The following PRKN variants were observed in gnomAD, a reference collection of about 807,000 sequenced individuals.
PRKN encodes E3 ubiquitin-protein ligase parkin.
PRKN carries 56 observed loss-of-function variants against 59.5 expected under a neutral mutation model. The observed-to-expected ratio is 0.94, with a 90% CI of 0.76 to 1.18. The LOEUF (loss-of-function observed/expected upper bound fraction) is 1.18. Among genes scored for constraint, PRKN ranks in the 50% most tolerant of loss-of-function variants. The pLI, the probability that PRKN is intolerant of heterozygous loss-of-function variation, is 0.00. For missense variants in PRKN, 657 were observed against 596.4 expected (o/e 1.10, Z -1.06); for synonymous variants, 250 against 222.1 (o/e 1.13, Z -1.12).
intron 6 of PRKN, among the ~76,000 whole-genome samples, chr6:161,940,281 C>CA (rs5881443): frequency 2.0e-5 from 3 of 148,104 alleles, no homozygotes; most frequent in South Asian, 2.1e-4. Flanking sequence ...AAAAATATAG[C>CA]AAAAAAAAAA....
chr6:162,384,654 A>AAAG (rs1562720185), intron 2 of PRKN, among the ~76,000 whole-genome samples: 25 of 143,146 alleles, frequency 1.7e-4, no homozygotes, highest in African/African-American at 6.3e-4. Flanking sequence ...TTGTAAAAAA[A>AAAG]AAAAAAAACA....
At chr6:162,458,119 T>C (rs1180501902) in intron 1 of PRKN, among the ~76,000 whole-genome samples, 1 of 150,332 alleles carries the variant, frequency 6.7e-6, no homozygotes, top group East Asian at 1.9e-4. Context: ...CCAGGCGTGG[T>C]GGCACACACC....
chr6:162,216,447 G>A (rs1777658432), intron 3 of PRKN, among the ~76,000 whole-genome samples: 2 of 147,150 alleles, frequency 1.4e-5, no homozygotes, highest in African/African-American at 2.5e-5. Flanking sequence ...GGAGAATGGC[G>A]TGAACCCGGG....
At chr6:162,488,421 G>C (rs1792655571) in intron 1 of PRKN, among the ~76,000 whole-genome samples, 1 of 152,138 alleles carries the variant, frequency 6.6e-6, no homozygotes, top group Non-Finnish European at 1.5e-5. Flanking sequence ...TCTTCACTGA[G>C]GAGATTTCCC....
chr6:162,586,359 A>C (rs140967307), intron 1 of PRKN, among the ~76,000 whole-genome samples: 1 of 152,312 alleles, frequency 6.6e-6, no homozygotes, highest in East Asian at 1.9e-4. Context: ...TCGAAACTAA[A>C]ATGTACTCTG....
chr6:162,591,573 T>G (rs2128214329), intron 1 of PRKN, among the ~76,000 whole-genome samples: 1 of 152,296 alleles, frequency 6.6e-6, no homozygotes, highest in East Asian at 1.9e-4. Context: ...TGTTCATCTC[T>G]TCTGTGTACT....
At chr6:161,681,967 G>A (rs570324685) in intron 7 of PRKN, among the ~76,000 whole-genome samples, 13 of 152,372 alleles carry the variant, frequency 8.5e-5, no homozygotes, top group African/African-American at 2.2e-4. Flanking sequence ...TGTGAAAGCC[G>A]CAGTTCCCCA....
At chr6:161,879,943 A>G (rs1207151936) in intron 6 of PRKN, among the ~76,000 whole-genome samples, 1 of 152,188 alleles carries the variant, frequency 6.6e-6, no homozygotes, top group Non-Finnish European at 1.5e-5. Context: ...AGGCATATGC[A>G]CATTAGAAGT....
At chr6:162,632,430 T>C (rs764667503) in intron 1 of PRKN, among the ~76,000 whole-genome samples, 74 of 152,132 alleles carry the variant, frequency 4.9e-4, no homozygotes, top group Admixed American at 1.9e-3. Context: ...TACTGCACGT[T>C]TCACTTATAA....
At chr6:162,385,141 T>G (rs1377198992) in intron 2 of PRKN, among the ~76,000 whole-genome samples, 1 of 152,136 alleles carries the variant, frequency 6.6e-6, no homozygotes, top group Non-Finnish European at 1.5e-5. Context: ...TCAAGATACT[T>G]ATGGAACTCA....
chr6:162,646,157 C>A (rs1303262703), intron 1 of PRKN, among the ~76,000 whole-genome samples: 1 of 152,080 alleles, frequency 6.6e-6, no homozygotes, highest in Non-Finnish European at 1.5e-5. Flanking sequence ...CAGGTGTGAG[C>A]CACCACACCC....
At chr6:162,438,830 C>T (rs1789906837) in intron 2 of PRKN, among the ~76,000 whole-genome samples, 1 of 152,250 alleles carries the variant, frequency 6.6e-6, no homozygotes, top group South Asian at 2.1e-4. Flanking sequence ...AACTTTATGT[C>T]TCTTGCAAAC....
chr6:162,723,610 A>G (rs996820898), intron 1 of PRKN, among the ~76,000 whole-genome samples: 4 of 152,338 alleles, frequency 2.6e-5, no homozygotes, highest in East Asian at 1.9e-4. Context: ...GAGGCTTTAG[A>G]TAGGCTTGTA....
intron 7 of PRKN, among the ~76,000 whole-genome samples, chr6:161,706,485 T>C (rs1487062154): frequency 6.6e-6 from 1 of 152,194 alleles, no homozygotes; most frequent in Non-Finnish European, 1.5e-5. Context: ...GCAGCAAGGG[T>C]GCCTTACTCA....
At chr6:161,780,470 A>G (rs1489394762) in intron 7 of PRKN, among the ~76,000 whole-genome samples, 1 of 152,210 alleles carries the variant, frequency 6.6e-6, no homozygotes, top group African/African-American at 2.4e-5. Flanking sequence ...GGAGTCCCAC[A>G]ACCACCACTG....
At chr6:162,608,979 C>T (rs1782032416) in intron 1 of PRKN, among the ~76,000 whole-genome samples, 1 of 152,140 alleles carries the variant, frequency 6.6e-6, no homozygotes, top group Non-Finnish European at 1.5e-5. Context: ...AAAGGCCTCG[C>T]CTCTCTGCCA....
intron 1 of PRKN, among the ~76,000 whole-genome samples, chr6:162,650,461 A>G (rs1002296315): frequency 2.0e-5 from 3 of 150,796 alleles, no homozygotes; most frequent in Non-Finnish European, 4.5e-5. Context: ...AGCCGGGCGT[A>G]GTGGCGGGCG....
chr6:161,779,128 C>T (rs1046101344), intron 7 of PRKN, among the ~76,000 whole-genome samples: 10 of 151,974 alleles, frequency 6.6e-5, no homozygotes, highest in South Asian at 2.1e-4. Context: ...TCACTGGACA[C>T]GGGGTTTCAC....
intron 3 of PRKN, among the ~76,000 whole-genome samples, chr6:162,226,738 TG>T (rs1483425247): frequency 6.6e-6 from 1 of 152,160 alleles, no homozygotes; most frequent in Non-Finnish European, 1.5e-5. Flanking sequence ...TTCACCGTGT[TG>T]GTCAGGCTGA....
Sources: allele counts gnomAD v4.1 joint callset (sites outside exome capture counted in the v4.1 genomes callset), GRCh38; gene constraint gnomAD v4.1.1; transcripts MANE v1.5; gene names NCBI Gene and HGNC (gene_info 2026-07-23, HGNC 2026-07-21).